Variants in SPEG observed in about 807,000 individuals in gnomAD.
The protein encoded by SPEG is striated muscle enriched protein kinase, also known as striated muscle preferentially expressed protein kinase.
A neutral mutation model predicts 300.4 loss-of-function variants in SPEG; 114 were observed. The observed-to-expected ratio is 0.38, with a 90% CI of 0.33 to 0.44. The LOEUF is 0.44. SPEG is among the 20% of genes least tolerant of loss of function. SPEG has a pLI of 1.00. For synonymous variants in SPEG, 1,964 were observed against 2,018.9 expected (o/e 0.97, Z 0.73); for missense variants, 4,201 against 4,586.2 (o/e 0.92, Z 2.43).
In SPEG at chr2:219,479,104, A is replaced by G. The variant is rs773971293; in HGVS notation, c.5028-40A>G. ...CCCTGAGCGCTGGGCTGGGCCGGGCAGTTGGCACTGGGCACTGTTCTCCTT... is the reference window on the plus strand; with the variant it reads ...CCCTGAGCGCTGGGCTGGGCCGGGCGGTTGGCACTGGGCACTGTTCTCCTT... On this transcript the variant is annotated intron_variant, in intron 22 of 40. Transcript: ENST00000312358. The surrounding 1 kb of genome is among the most constrained non-coding windows in gnomAD (Gnocchi z 5.5). 1.9e-6 allele frequency: 3 copies of G among 1,597,892 alleles called. No homozygotes were observed. Among genetic ancestry groups the G allele is most frequent in the Non-Finnish European group, 2.6e-6 (3 of 1,167,190 alleles).
At position 219,489,747 on chromosome 2, in the gene SPEG, C is replaced by T. The variant is rs1422421055; in HGVS notation, c.8729C>T (p.Pro2910Leu). The T allele has an allele frequency of 6.2e-7, 1 of 1,613,678 alleles. No homozygotes were observed. Among genetic ancestry groups the T allele is most frequent in the African/African-American group, 1.3e-5 (1 of 74,906 alleles). The change falls in exon 36 of 41, where the codon CCA becomes CTA. Residue 2910 changes from proline to leucine, a missense_variant. This residue lies in a region of SPEG where 1,578 missense variants were observed against 1,506.0 expected (regional missense o/e 1.05). Coordinates refer to ENST00000312358, the MANE Select transcript of SPEG (RefSeq NM_005876.5). ...VYVVTSFVSA[P>L]PAPEPPAPEP... is the part of the protein sequence containing the mutation. ...GTGGTGACTTCCTTTGTGTCTGCACCACCAGCCCCTGAGCCCCCAGCCCCT... is the reference window on the plus strand; with the variant it reads ...GTGGTGACTTCCTTTGTGTCTGCACTACCAGCCCCTGAGCCCCCAGCCCCT...
rs774005651 is a variant in SPEG, at chr2:219,473,117, C to T, written c.4147+21C>T. ...GCACGGTGAGCCTGGGTGCTCCTGT[C>T]GGGTGGGGGTGGGAGCTGCTGGGAT... On this transcript the variant is annotated intron_variant, in intron 16 of 40. Coordinates refer to ENST00000312358, the MANE Select transcript of SPEG (RefSeq NM_005876.5). The surrounding 1 kb of genome is among the most constrained non-coding windows in gnomAD (Gnocchi z 4.6). 37 of 1,607,604 alleles carry T rather than the reference C, an allele frequency of 2.3e-5. No individual in the cohort carries two copies. The South Asian group carries it at 2.5e-4, about 11-fold the overall frequency.
intron 36 of SPEG, among the ~76,000 whole-genome samples, 177 bp from the exon 37 acceptor site, chr2:219,490,232 C>T (rs562953498): frequency 1.6e-4 from 25 of 152,320 alleles, no homozygotes; most frequent in Admixed American, 1.4e-3. Flanking sequence ...GGTACAGAGC[C>T]AGTGAGTGGC....
In SPEG at chr2:219,484,249, G is replaced by T. The variant is rs746931496; in HGVS notation, c.6786G>T (p.Ser2262=). 1 of 1,610,318 alleles carries T rather than the reference G, an allele frequency of 6.2e-7. No homozygotes were observed. Among genetic ancestry groups the T allele is most frequent in the Non-Finnish European group, 8.5e-7 (1 of 1,179,640 alleles). ...LQLSGHAQGP[S]QGPAAPPSEP... is the part of the protein sequence containing the mutation. ...TGTCAGGCCACGCCCAGGGCCCCTC[G>T]CAGGGCCCTGCCGCGCCGCCTTCAG... is the stretch of plus-strand genomic sequence containing the variant. The change falls in exon 30 of 41, where the codon TCG becomes TCT. Residue 2262 remains serine, a synonymous_variant. Coordinates refer to ENST00000312358, the MANE Select transcript of SPEG (RefSeq NM_005876.5).
chr2:219,478,568 A>G (rs1392868726), intron 22 of SPEG, among the ~76,000 whole-genome samples: 1 of 152,208 alleles, frequency 6.6e-6, no homozygotes, highest in African/African-American at 2.4e-5. Flanking sequence ...CTGTTTTCAT[A>G]AGGAACAGAT....
Position 219,483,507 on chromosome 2 carries a change from C to T in SPEG, c.6044C>T (p.Ser2015Leu), listed in dbSNP as rs1693063911. ...PRRGELRRGS[S>L]AESALPRAGP... Reference sequence around the variant, plus strand: ...CGGGGAGAGCTCCGCAGGGGCAGCTCGGCTGAGAGCGCCCTGCCCCGGGCC... The same window carrying T: ...CGGGGAGAGCTCCGCAGGGGCAGCTTGGCTGAGAGCGCCCTGCCCCGGGCC... Residue 2015 changes from serine (S) to leucine (L), a missense_variant, in exon 30 of 41, where the codon TCG becomes TTG. This residue lies in a region of SPEG where 1,578 missense variants were observed against 1,506.0 expected (regional missense o/e 1.05). Coordinates refer to ENST00000312358, the MANE Select transcript of SPEG (RefSeq NM_005876.5). The T allele has an allele frequency of 4.9e-6, 7 of 1,418,444 alleles. No individual in the cohort carries two copies. Among genetic ancestry groups the T allele is most frequent in the Admixed American group, 3.3e-5 (1 of 30,326 alleles). 87.9% of individuals were successfully genotyped at this position (1,418,444 alleles called of 1,614,324 possible).
In SPEG at chr2:219,479,332, T is replaced by G. The variant is rs866222999; in HGVS notation, c.5085+131T>G. ...AGCCAGGGGTGGAGGTGGAGAGCAC[T>G]GTTAGGTAGGCAGCAGAGTCCCCAC... On this transcript the variant is annotated intron_variant, in intron 23 of 40. Coordinates refer to ENST00000312358, the MANE Select transcript of SPEG (RefSeq NM_005876.5). This position sits in a 1 kb window ranked among gnomAD's most constrained non-coding sequence, Gnocchi z 5.5. 9.8e-6 allele frequency: 7 copies of G among 714,330 alleles called. No homozygotes were observed. Among genetic ancestry groups the G allele is most frequent in the East Asian group, 2.7e-5 (1 of 36,898 alleles). 44.2% of individuals were successfully genotyped at this position (714,330 alleles called of 1,614,324 possible). A position where few individuals can be genotyped will look rare whatever the true frequency, so the allele number is the denominator to read the frequency against.
In SPEG at chr2:219,489,034, C is replaced by T. The variant is rs376083022; in HGVS notation, c.8150-20C>T. On this transcript the variant is annotated intron_variant, in intron 34 of 40. Transcript: ENST00000312358. ...GCCACCGCTTCTGTGACCTCAGCCCCTCCCCCATACTGCCTATAGGGGAGT... is the reference window on the plus strand; with the variant it reads ...GCCACCGCTTCTGTGACCTCAGCCCTTCCCCCATACTGCCTATAGGGGAGT... 1.9e-6 allele frequency: 3 copies of T among 1,612,668 alleles called. No individual in the cohort carries two copies. The highest frequency in any genetic ancestry group is 8.5e-7 in the Non-Finnish European group (1 of 1,179,292).
chr2:219,460,694 C>T, intron 6 of SPEG: 1 of 985,624 alleles, frequency 1.0e-6, no homozygotes, highest in Non-Finnish European at 1.2e-6. Flanking sequence ...TCCCCCTCCA[C>T]ACCAGGGCCC....
chr2:219,471,696 G>A, intron 13 of SPEG, 172 bp from the exon 14 acceptor site: 1 of 750,388 alleles, frequency 1.3e-6, no homozygotes, highest in Non-Finnish European at 2.1e-6. Flanking sequence ...CCCAGACTTT[G>A]CTGCACCATG....
chr2:219,481,762 C>A lies in SPEG; in HGVS notation c.5565+82C>A. The A allele has an allele frequency of 1.6e-6, 2 of 1,261,180 alleles. No homozygotes were observed. Among genetic ancestry groups the A allele is most frequent in the Non-Finnish European group, 2.3e-6 (2 of 860,854 alleles). The allele number at this position is 1,261,180 out of a possible 1,614,324, so 78.1% of individuals were successfully genotyped here. On this transcript the variant is annotated intron_variant, in intron 28 of 40. Coordinates refer to ENST00000312358, the MANE Select transcript of SPEG (RefSeq NM_005876.5). This position sits in a 1 kb window ranked among gnomAD's most constrained non-coding sequence, Gnocchi z 5.4. ...AACAGCTCTATTTATTGAGTACCTACTGTGTGCAGTAACCACGTTAGGCAT... is the reference window on the plus strand; with the variant it reads ...AACAGCTCTATTTATTGAGTACCTAATGTGTGCAGTAACCACGTTAGGCAT...
At chr2:219,465,996 TGCGTGC>T in intron 9 of SPEG, 3 of 1,441,924 alleles carry the variant, frequency 2.1e-6, no homozygotes, top group Non-Finnish European at 2.9e-6. Context: ...TGTGTGCGCG[TGCGTGC>T]GCGTATGCTG....
rs1356792103 is a variant in SPEG at position 219,448,694 on chromosome 2, C to G, written c.1536C>G (p.Arg512=). 3.8e-5 allele frequency: 57 copies of G among 1,493,688 alleles called. No homozygotes were observed. The highest frequency in any genetic ancestry group is 1.5e-5 in the African/African-American group (1 of 68,468). The allele number at this position is 1,493,688 out of a possible 1,614,324, so 92.5% of individuals were successfully genotyped here. ...CCACGTCGCGGGAGGAGCTGGTGCG[C>G]TCGCACGAGTCCCTGCGCGCCACGC... The part of the protein sequence containing the change: ...RRSTSREELV[R]SHESLRATLQ... Residue 512 remains arginine (R), a synonymous_variant, in exon 4 of 41, where the codon CGC becomes CGG. Transcript: ENST00000312358.
At chr2:219,460,722 G>T (rs1212910954) in intron 6 of SPEG, 3 of 981,434 alleles carry the variant, frequency 3.1e-6, no homozygotes, top group Admixed American at 6.2e-5. Context: ...CTGTGGTCTC[G>T]GCAGGCACCA....
Position 219,464,949 on chromosome 2 carries a change from C to A in SPEG, c.2881+341C>A. 1 of 228,884 alleles carries A rather than the reference C, an allele frequency of 4.4e-6. No homozygotes were observed. The highest frequency in any genetic ancestry group is 1.1e-4 in the East Asian group (1 of 9,490). The allele number at this position is 228,884 out of a possible 1,614,324, so 14.2% of individuals were successfully genotyped here. The stretch of plus-strand genomic sequence containing the variant: ...TGAGCCTTTGTCACCCTGCTCTGCC[C>A]AGGACCCTCCCTCATCCCCCTCCCC... On this transcript the variant is annotated intron_variant, in intron 9 of 40. Coordinates refer to ENST00000312358, the MANE Select transcript of SPEG (RefSeq NM_005876.5). This position sits in a 1 kb window ranked among gnomAD's most constrained non-coding sequence, Gnocchi z 4.5.
In SPEG at chr2:219,448,112, G is replaced by A. The variant is rs747047029; in HGVS notation, c.954G>A (p.Lys318=). Residue 318 remains lysine, a synonymous_variant, in exon 4 of 41, where the codon AAG becomes AAA. Transcript: ENST00000312358. ...LLPPPSPRVG[K]RSPPGPPAQP... ...CCCCACCGTCCCCTCGGGTCGGGAA[G>A]CGGTCCCCGCCGGGACCCCCGGCCC... 4.4e-6 allele frequency: 7 copies of A among 1,602,668 alleles called. No individual in the cohort carries two copies. Among genetic ancestry groups the A allele is most frequent in the Non-Finnish European group, 6.0e-6 (7 of 1,174,846 alleles).
At chr2:219,442,091 C>T in intron 1 of SPEG, 8 of 1,194,806 alleles carry the variant, frequency 6.7e-6, no homozygotes, top group Non-Finnish European at 8.4e-6. Context: ...CAGGTGAGGG[C>T]TCCGGGGGCG....
rs761185352 is a variant in SPEG, at chr2:219,464,532, C to A, written c.2805C>A (p.Gly935=). The A allele has an allele frequency of 6.2e-7, 1 of 1,614,214 alleles. No individual in the cohort carries two copies. Among genetic ancestry groups the A allele is most frequent in the African/African-American group, 1.3e-5 (1 of 75,082 alleles). ...CRLRILAAER[G]DAGFYTCKAV... ...TGCGGATCCTGGCTGCAGAGCGTGG[C>A]GATGCTGGTTTCTACACTTGCAAAG... The change falls in exon 9 of 41, where the codon GGC becomes GGA. Residue 935 remains glycine (G), a synonymous_variant. Coordinates refer to ENST00000312358, the MANE Select transcript of SPEG (RefSeq NM_005876.5). This position sits in a 1 kb window ranked among gnomAD's most constrained non-coding sequence, Gnocchi z 4.5.
Position 219,488,242 on chromosome 2 carries a change from AG to A in SPEG, c.7795del (p.Glu2599ArgfsTer20). The A allele has an allele frequency of 6.2e-7, 1 of 1,613,472 alleles. No individual in the cohort carries two copies. The highest frequency in any genetic ancestry group is 1.7e-5 in the Admixed American group (1 of 59,962). On this transcript the variant is annotated frameshift_variant, in exon 32 of 41. Coordinates refer to ENST00000312358, the MANE Select transcript of SPEG (RefSeq NM_005876.5). LOFTEE classifies it high-confidence loss of function. ...HIKLKDQVLL[E>X]GEAATLLCLP... ...AAACTCAAGGACCAGGTGCTGCTGG[AG>A]GGGGAGGCAGCCACCCTGCTCTGCC... is the stretch of plus-strand genomic sequence containing the variant.
Sources: allele counts gnomAD v4.1 joint callset (sites outside exome capture counted in the v4.1 genomes callset), GRCh38; gene constraint gnomAD v4.1.1; regional missense constraint gnomAD v4.1.1; non-coding constraint Gnocchi (gnomAD v3.1); transcripts MANE v1.5; gene names NCBI Gene and HGNC (gene_info 2026-07-23, HGNC 2026-07-21).